Variants in CAST observed in about 807,000 individuals in gnomAD.
CAST encodes the protein calpastatin.
In CAST, 76 loss-of-function variants were observed where a neutral mutation model predicts 119.6. The ratio of observed to expected loss-of-function variants is 0.64; its 90% CI spans 0.53 to 0.77. The LOEUF (loss-of-function observed/expected upper bound fraction) is 0.77, where lower values mean the gene tolerates loss of function less well. CAST is among the 30% of genes least tolerant of loss of function. The pLI is 0.00. For synonymous variants in CAST, 319 were observed against 331.6 expected (o/e 0.96, Z 0.41); for missense variants, 953 against 946.5 (o/e 1.01, Z -0.09).
At chr5:96,029,363 C>A in the CAST span, among the ~76,000 whole-genome samples, 2 of 151,984 alleles carry the variant, frequency 1.3e-5, no homozygotes, top group Non-Finnish European at 2.9e-5. Context: ...TTGGCTATAT[C>A]ACTTTCAACA....
chr5:96,363,217 A>G, the CAST span, among the ~76,000 whole-genome samples: 6 of 149,500 alleles, frequency 4.0e-5, no homozygotes, highest in East Asian at 1.2e-3. Context: ...TACCAGTACC[A>G]TGCTGTTTTG....
the CAST span, among the ~76,000 whole-genome samples, chr5:96,254,959 T>A: frequency 6.6e-6 from 1 of 152,166 alleles, no homozygotes; most frequent in Admixed American, 6.6e-5. Context: ...CATGTCTAAG[T>A]CTTTTCAGTT....
chr5:96,401,941 A>T, the CAST span, among the ~76,000 whole-genome samples: 1 of 152,236 alleles, frequency 6.6e-6, no homozygotes, highest in African/African-American at 2.4e-5. Context: ...GCTCCTAGTC[A>T]TCAGTCAGAT....
chr5:96,486,198 T>C, the CAST span, among the ~76,000 whole-genome samples: 2 of 152,144 alleles, frequency 1.3e-5, no homozygotes, highest in South Asian at 4.1e-4. Flanking sequence ...GTGAGCAAGG[T>C]GTGGGGATGT....
chr5:96,501,010 T>G, the CAST span, among the ~76,000 whole-genome samples: 9 of 151,626 alleles, frequency 5.9e-5, no homozygotes, highest in Non-Finnish European at 1.3e-4. Flanking sequence ...GGACTGGAGG[T>G]GGAGTGGGCT....
chr5:96,703,657 A>G (rs1754340812), intron 3 of CAST, among the ~76,000 whole-genome samples: 1 of 152,226 alleles, frequency 6.6e-6, no homozygotes, highest in Non-Finnish European at 1.5e-5. Context: ...CAGAGAGTTT[A>G]GACAGCTTCC....
intron 1 of CAST, among the ~76,000 whole-genome samples, chr5:96,560,050 C>T (rs1746323600): frequency 6.6e-6 from 1 of 152,038 alleles, no homozygotes; most frequent in Admixed American, 6.6e-5. Flanking sequence ...GAAATAATGC[C>T]ACATATCTAC....
chr5:96,703,536 T>C (rs1754311643), intron 3 of CAST, among the ~76,000 whole-genome samples: 2 of 152,246 alleles, frequency 1.3e-5, no homozygotes, highest in Non-Finnish European at 1.5e-5. Context: ...ACAAAGTGTT[T>C]TCACAGAGAT....
chr5:96,323,704 G>A, the CAST span, among the ~76,000 whole-genome samples: 5 of 152,140 alleles, frequency 3.3e-5, no homozygotes, highest in African/African-American at 1.2e-4. Context: ...TTTAAGGGTT[G>A]TCATTGTTAA....
chr5:96,647,259 A>C (rs1172980790), intron 1 of CAST, among the ~76,000 whole-genome samples: 2 of 152,276 alleles, frequency 1.3e-5, no homozygotes, highest in East Asian at 1.9e-4. Flanking sequence ...ATTACATCCA[A>C]TCCAGACTTC....
At chr5:96,073,734 T>A in the CAST span, among the ~76,000 whole-genome samples, 1 of 152,176 alleles carries the variant, frequency 6.6e-6, no homozygotes, top group African/African-American at 2.4e-5. Flanking sequence ...TGACAGAAGG[T>A]GGAGCTCAGG....
At chr5:96,347,033 GGGTTTCAGCA>G in the CAST span, among the ~76,000 whole-genome samples, 1 of 152,102 alleles carries the variant, frequency 6.6e-6, no homozygotes, top group Non-Finnish European at 1.5e-5. Flanking sequence ...TCTTTCAGAC[GGGTTTCAGCA>G]GTGGCAGTAA....
the CAST span, among the ~76,000 whole-genome samples, chr5:96,176,422 T>C: frequency 6.6e-6 from 1 of 152,218 alleles, no homozygotes; most frequent in African/African-American, 2.4e-5. Flanking sequence ...TTTTAGGCAC[T>C]GGGAATACAT....
At chr5:96,101,550 G>GCTGC in the CAST span, among the ~76,000 whole-genome samples, 1 of 152,134 alleles carries the variant, frequency 6.6e-6, no homozygotes, top group South Asian at 2.1e-4. Flanking sequence ...ACAGTTCCCA[G>GCTGC]CTGCCTGTCT....
the CAST span, among the ~76,000 whole-genome samples, chr5:96,315,265 TA>T: frequency 6.6e-6 from 1 of 152,234 alleles, no homozygotes; most frequent in African/African-American, 2.4e-5. Flanking sequence ...CTTATAATAA[TA>T]AAAAAGTTTG....
the CAST span, among the ~76,000 whole-genome samples, chr5:96,174,203 C>G: frequency 6.6e-6 from 1 of 152,146 alleles, no homozygotes; most frequent in African/African-American, 2.4e-5. Context: ...TCCCAGGAGC[C>G]TCTTTGGGCT....
At chr5:96,527,681 A>G (rs1469943319), upstream of CAST, among the ~76,000 whole-genome samples, 1 of 152,240 alleles carries the variant, frequency 6.6e-6, no homozygotes, top group Non-Finnish European at 1.5e-5. Context: ...TGCCCTTCTG[A>G]AACCTCTCAG....
the CAST span, among the ~76,000 whole-genome samples, chr5:96,057,656 G>C: frequency 6.6e-6 from 1 of 152,150 alleles, no homozygotes; most frequent in East Asian, 1.9e-4. Flanking sequence ...GCAAAACCAT[G>C]ACATCTGCTA....
the CAST span, among the ~76,000 whole-genome samples, chr5:96,427,397 T>C: frequency 6.6e-6 from 1 of 152,216 alleles, no homozygotes; most frequent in Non-Finnish European, 1.5e-5. Context: ...ATAGGTATCA[T>C]GTACTTAATT....
Sources: gnomAD v4.1 joint callset for allele counts (sites outside exome capture counted in the v4.1 genomes callset) on GRCh38, gnomAD v4.1.1 for gene constraint, MANE v1.5 for transcripts, NCBI Gene and HGNC (gene_info 2026-07-23, HGNC 2026-07-21) for gene names.